The following CCDC200 variants were observed in gnomAD, a reference collection of about 807,000 sequenced individuals.
CCDC200 encodes the protein coiled-coil domain-containing protein 200.
At chr17:43,225,652 G>A (rs561220163) in intron 1 of CCDC200, among the ~76,000 whole-genome samples, 2 of 34,722 alleles carry the variant, frequency 5.8e-5, no homozygotes, top group African/African-American at 1.0e-4. Context: ...GACAGAATGA[G>A]ACTCCGTCTA....
upstream of CCDC200, among the ~76,000 whole-genome samples, chr17:43,230,763 G>C (rs1555617181): frequency 1.1e-4 from 8 of 75,364 alleles, 1 homozygote; most frequent in South Asian, 3.4e-3. Flanking sequence ...GGCAGATCAT[G>C]AGGTCAGGAG....
chr17:43,222,483 A>G (rs952426233), intron 3 of CCDC200, among the ~76,000 whole-genome samples: 16 of 151,978 alleles, frequency 1.1e-4, no homozygotes, highest in African/African-American at 3.9e-4. Context: ...CTTTATTAAT[A>G]ATTGCCATAT....
intron 3 of CCDC200, among the ~76,000 whole-genome samples, chr17:43,222,762 T>G (rs1177934446): frequency 1.4e-5 from 1 of 70,360 alleles, no homozygotes; most frequent in Non-Finnish European, 3.3e-5. Context: ...CTAGTTTTGT[T>G]TTTTTTTTTC....
At position 43,224,141 on chromosome 17, in the gene CCDC200, G is replaced by A. The variant is rs148636086; in HGVS notation, c.421+93C>T. On this transcript the variant is annotated intron_variant, in intron 2 of 3. Coordinates refer to ENST00000636331, the MANE Select transcript of CCDC200 (RefSeq NM_001363254.2). ...TCCCACTCCCAGGCTCCAGTCCAGAGTCTGTAAGGATTTTCTGCCCACCCT... is the reference window on the plus strand; with the variant it reads ...TCCCACTCCCAGGCTCCAGTCCAGAATCTGTAAGGATTTTCTGCCCACCCT... 443 of 152,958 alleles carry A rather than the reference G, an allele frequency of 2.9e-3. 2 individuals are homozygous for A. Among genetic ancestry groups the A allele is most frequent in the Admixed American group, 6.6e-3 (101 of 15,296 alleles). 9.5% of individuals were successfully genotyped at this position (152,958 alleles called of 1,614,324 possible). A position where few individuals can be genotyped will look rare whatever the true frequency, so the allele number is the denominator to read the frequency against.
intron 3 of CCDC200, among the ~76,000 whole-genome samples, chr17:43,222,670 A>C (rs1236965763): frequency 6.7e-6 from 1 of 149,814 alleles, no homozygotes; most frequent in Non-Finnish European, 1.5e-5. Flanking sequence ...CACTTACGGC[A>C]GCCTCAACCT....
In CCDC200 at chr17:43,225,693, T is replaced by TATATATAAAA. The variant is rs1282739067; in HGVS notation, c.106-1145_106-1144insTTTTATATAT. On this transcript the variant is annotated intron_variant, in intron 1 of 3. Coordinates refer to ENST00000636331, the MANE Select transcript of CCDC200 (RefSeq NM_001363254.2). ...AAAAAAAAAAAAGTATATATATATA[T>TATATATAAAA]TGCATGCTACATGTGTAATTTTAAA... is the stretch of plus-strand genomic sequence containing the variant. 4.8e-4 allele frequency among the ~76,000 whole-genome samples: 14 copies of TATATATAAAA among 28,976 alleles called. 4 individuals are homozygous for TATATATAAAA. The South Asian group carries it at 8.1e-3, about 17-fold the overall frequency. The allele number at this position is 28,976 out of a possible 152,430, so 19.0% of individuals were successfully genotyped here.
At chr17:43,223,246 A>ATT (rs1382906549) in intron 3 of CCDC200, among the ~76,000 whole-genome samples, 3,429 of 84,634 alleles carry the variant, frequency 0.041, 373 homozygotes, top group African/African-American at 0.097. Flanking sequence ...ATTTTTTTCA[A>ATT]TTTTTTTTTT....
chr17:43,223,348 T>G (rs2057546526), intron 3 of CCDC200, among the ~76,000 whole-genome samples: 1 of 146,968 alleles, frequency 6.8e-6, no homozygotes, highest in Non-Finnish European at 1.5e-5. Context: ...CCCAGCTTCC[T>G]ACCCAAACAT....
intron 3 of CCDC200, among the ~76,000 whole-genome samples, chr17:43,222,472 C>T (rs1200702856): frequency 1.3e-5 from 2 of 152,112 alleles, no homozygotes; most frequent in African/African-American, 4.8e-5. Flanking sequence ...TGGCCCCTTT[C>T]CTTTATTAAT....
At chr17:43,222,760 G>GT (rs372125809) in intron 3 of CCDC200, among the ~76,000 whole-genome samples, 172 of 122,314 alleles carry the variant, frequency 1.4e-3, no homozygotes, top group Non-Finnish European at 1.6e-3. Context: ...AGCTAGTTTT[G>GT]TTTTTTTTTT....
At chr17:43,230,734 A>G, upstream of CCDC200, among the ~76,000 whole-genome samples, 4 of 61,104 alleles carry the variant, frequency 6.5e-5, no homozygotes, top group Middle Eastern at 0.01. Context: ...TAATCCCAGC[A>G]CTTTGGGAGG....
chr17:43,222,111 T>C (rs1018586822), intron 3 of CCDC200, among the ~76,000 whole-genome samples: 19 of 151,992 alleles, frequency 1.3e-4, no homozygotes, highest in African/African-American at 4.6e-4. Flanking sequence ...AAGGTTGCCA[T>C]CCTGAGTTTG....
In CCDC200 at chr17:43,221,442, T is replaced by G. The variant is rs2057533500; in HGVS notation, c.*129A>C. On this transcript the variant is annotated 3_prime_UTR_variant, in exon 4 of 4. Coordinates refer to ENST00000636331, the MANE Select transcript of CCDC200 (RefSeq NM_001363254.2). ...TTCTTCCCAGGAAAAAAATTACATT[T>G]TATTCCTGGCAGCCTCCTCTTCTAG... 6.6e-6 allele frequency: 1 copy of G among 152,616 alleles called. No individual in the cohort carries two copies. Among genetic ancestry groups the G allele is most frequent in the Non-Finnish European group, 1.5e-5 (1 of 68,048 alleles). 9.5% of individuals were successfully genotyped at this position (152,616 alleles called of 1,614,324 possible).
At chr17:43,225,653 A>G (rs2057561954) in intron 1 of CCDC200, among the ~76,000 whole-genome samples, 1 of 36,164 alleles carries the variant, frequency 2.8e-5, no homozygotes, top group Non-Finnish European at 1.0e-4. Flanking sequence ...ACAGAATGAG[A>G]CTCCGTCTAA....
chr17:43,224,735 C>T (rs1477082719), intron 1 of CCDC200, 186 bp from the exon 2 acceptor site: 1 of 152,244 alleles, frequency 6.6e-6, no homozygotes, highest in Non-Finnish European at 1.5e-5. Flanking sequence ...CACCCAAGAA[C>T]GATTTCTGGG....
intron 3 of CCDC200, 52 bp downstream of exon 3, chr17:43,223,503 CT>C (rs1382927229): frequency 6.6e-6 from 1 of 152,140 alleles, no homozygotes; most frequent in African/African-American, 2.4e-5. Context: ...CTCTCTCTCT[CT>C]TTCTTTCTGT....
chr17:43,230,979 C>CAA (rs1359819265), upstream of CCDC200, among the ~76,000 whole-genome samples: 6 of 31,020 alleles, frequency 1.9e-4, no homozygotes, highest in African/African-American at 3.4e-4. Flanking sequence ...GACTCCGTCT[C>CAA]AAAAAAAAAA....
At chr17:43,224,884 A>C (rs2057556425) in intron 1 of CCDC200, 1 of 152,170 alleles carries the variant, frequency 6.6e-6, no homozygotes, top group Non-Finnish European at 1.5e-5. Flanking sequence ...TGTTTTTTAG[A>C]GATAGGTTCC....
upstream of CCDC200, among the ~76,000 whole-genome samples, chr17:43,230,844 A>G (rs1555617191): frequency 4.4e-3 from 411 of 92,380 alleles, 28 homozygotes; most frequent in African/African-American, 0.011. Flanking sequence ...AGCCAGACGT[A>G]GTGGCAGGTG....
Sources: allele counts gnomAD v4.1 joint callset (sites outside exome capture counted in the v4.1 genomes callset), GRCh38; gene constraint gnomAD v4.1.1; transcripts MANE v1.5; gene names NCBI Gene and HGNC (gene_info 2026-07-23, HGNC 2026-07-21).